Variants in VWA8 observed in about 807,000 individuals in gnomAD.
VWA8 encodes von Willebrand factor A domain containing 8.
A neutral mutation model predicts 241.5 loss-of-function variants in VWA8; 221 were observed. The observed-to-expected ratio is 0.91, with a 90% CI of 0.82 to 1.02. The LOEUF (loss-of-function observed/expected upper bound fraction) is 1.02. VWA8 is among the 50% of genes least tolerant of loss of function. VWA8 has a pLI of 0.00. For missense variants in VWA8, 2,322 were observed against 2,328.7 expected (o/e 1.00, Z 0.06); for synonymous variants, 852 against 827.1 (o/e 1.03, Z -0.52).
At chr13:41,701,670 T>C (rs1261745993) in intron 27 of VWA8, 140 bp from the exon 28 acceptor site, 9 of 704,460 alleles carry the variant, frequency 1.3e-5, no homozygotes, top group East Asian at 3.2e-5. Flanking sequence ...ATTGACAGGC[T>C]TAGTACTCAT....
chr13:41,732,294 A>C (rs2045491313), intron 21 of VWA8, 139 bp from the exon 22 acceptor site: 1 of 628,438 alleles, frequency 1.6e-6, no homozygotes, highest in South Asian at 2.1e-5. Context: ...AAAAAAAAAC[A>C]GCAAGTGAAA....
chr13:41,693,485 T>C (rs1368644344), intron 29 of VWA8, among the ~76,000 whole-genome samples: 15 of 152,028 alleles, frequency 9.9e-5, no homozygotes, highest in Non-Finnish European at 5.9e-5. Context: ...AAAATAGATA[T>C]AAAGAGGACT....
intron 20 of VWA8, 83 bp downstream of exon 20, chr13:41,777,902 T>G: frequency 8.1e-7 from 1 of 1,227,356 alleles, no homozygotes; most frequent in South Asian, 1.4e-5. Context: ...AAAAAATAAC[T>G]GATTCCAACA....
chr13:41,684,229 TC>T (rs1566413829), intron 35 of VWA8, among the ~76,000 whole-genome samples: 1 of 152,128 alleles, frequency 6.6e-6, no homozygotes, highest in Non-Finnish European at 1.5e-5. Flanking sequence ...TATCATATAA[TC>T]AGAACTTTTC....
intron 2 of VWA8, among the ~76,000 whole-genome samples, chr13:41,914,483 A>G (rs2138117256): frequency 6.6e-6 from 1 of 152,274 alleles, no homozygotes; most frequent in Admixed American, 6.5e-5. Context: ...TTTATAATAT[A>G]CAGTCTATTC....
chr13:41,901,594 G>A (rs917273972), intron 4 of VWA8, among the ~76,000 whole-genome samples: 9 of 151,994 alleles, frequency 5.9e-5, no homozygotes, highest in South Asian at 2.1e-4. Flanking sequence ...TAGGCCAGTC[G>A]CAGTGGCTCA....
chr13:41,856,075 C>G (rs928616598), intron 12 of VWA8, among the ~76,000 whole-genome samples: 1 of 152,170 alleles, frequency 6.6e-6, no homozygotes, highest in African/African-American at 2.4e-5. Flanking sequence ...GTGGCTCAAG[C>G]CTATAGTCTC....
chr13:41,833,618 A>C, intron 12 of VWA8, 87 bp from the exon 13 acceptor site: 1 of 1,376,106 alleles, frequency 7.3e-7, no homozygotes, highest in South Asian at 1.8e-5. Flanking sequence ...TTATAGAGTC[A>C]CCTCCGTCTG....
intron 20 of VWA8, among the ~76,000 whole-genome samples, chr13:41,770,232 G>C (rs1188580663): frequency 6.6e-6 from 1 of 151,908 alleles, no homozygotes; most frequent in Non-Finnish European, 1.5e-5. Flanking sequence ...TGGATCATGA[G>C]GTCAGGAGAC....
At chr13:41,882,815 C>T (rs1227284303) in intron 9 of VWA8, among the ~76,000 whole-genome samples, 3 of 151,046 alleles carry the variant, frequency 2.0e-5, no homozygotes, top group Admixed American at 6.6e-5. Flanking sequence ...AGAGGGAGAC[C>T]GTGGGGAGAG....
chr13:41,689,031 A>C (rs2045156883), intron 34 of VWA8, among the ~76,000 whole-genome samples: 1 of 151,636 alleles, frequency 6.6e-6, no homozygotes, highest in Non-Finnish European at 1.5e-5. Flanking sequence ...TTAACTTTAA[A>C]AAATTATAGA....
At chr13:41,755,994 T>C (rs746943099) in intron 21 of VWA8, among the ~76,000 whole-genome samples, 10 of 151,748 alleles carry the variant, frequency 6.6e-5, no homozygotes, top group Admixed American at 2.0e-4. Flanking sequence ...ATTATTGAAA[T>C]AGAAACAAAA....
chr13:41,674,439 T>C (rs575102744), intron 36 of VWA8, among the ~76,000 whole-genome samples: 6 of 152,162 alleles, frequency 3.9e-5, no homozygotes, highest in African/African-American at 1.4e-4. Context: ...GCAGATGTGA[T>C]TGCAATATAG....
intron 43 of VWA8, 49 bp downstream of exon 43, chr13:41,575,686 TTTACC>T (rs2044346362): frequency 1.5e-6 from 2 of 1,353,594 alleles, no homozygotes; most frequent in African/African-American, 2.9e-5. Flanking sequence ...CCTTTTAGTC[TTTACC>T]TAACCTGATA....
chr13:41,657,238 C>T (rs933927787), intron 37 of VWA8, among the ~76,000 whole-genome samples: 9 of 152,046 alleles, frequency 5.9e-5, no homozygotes, highest in African/African-American at 1.5e-4. Context: ...AAGCCACCCC[C>T]GAGAAAAGCA....
chr13:41,632,185 C>T (rs943865296), intron 37 of VWA8, among the ~76,000 whole-genome samples: 1 of 152,158 alleles, frequency 6.6e-6, no homozygotes, highest in African/African-American at 2.4e-5. Context: ...CATTTAATGC[C>T]ACGTACTTCA....
rs1363845266 is a variant in VWA8 at position 41,611,672 on chromosome 13, T to C, written c.4781A>G (p.His1594Arg). ...AGCCTGAGAGACCTGGTACACCGTA[T>C]GGCCTGCATCCAGCCGGTAAGGGCC... ...KGGPYRLDAG[H>R]TVYQVSQAEK... Residue 1594 changes from histidine (H) to arginine (R), a missense_variant, in exon 39 of 45, where the codon CAT becomes CGT. Transcript: ENST00000379310. 3 of 1,614,130 alleles carry C rather than the reference T, an allele frequency of 1.9e-6. No individual in the cohort carries two copies. Among genetic ancestry groups the C allele is most frequent in the Non-Finnish European group, 2.5e-6 (3 of 1,179,988 alleles).
At chr13:41,763,231 G>A (rs1467584973) in intron 20 of VWA8, among the ~76,000 whole-genome samples, 3 of 152,032 alleles carry the variant, frequency 2.0e-5, no homozygotes, top group African/African-American at 4.8e-5. Context: ...TGAGGCTGCA[G>A]TGAGCTATGA....
chr13:41,861,512 T>C (rs1328048792), intron 12 of VWA8, among the ~76,000 whole-genome samples: 1 of 152,140 alleles, frequency 6.6e-6, no homozygotes, highest in African/African-American at 2.4e-5. Context: ...AAGCTATCTT[T>C]CTTCACAGAT....
Sources: gnomAD v4.1 joint callset for allele counts (sites outside exome capture counted in the v4.1 genomes callset) on GRCh38, gnomAD v4.1.1 for gene constraint, MANE v1.5 for transcripts, NCBI Gene and HGNC (gene_info 2026-07-23, HGNC 2026-07-21) for gene names.